GRIK1: variants seen among roughly 807,000 people sequenced by gnomAD.
GRIK1 encodes the protein glutamate receptor ionotropic, kainate 1.
A neutral mutation model predicts 105.7 loss-of-function variants in GRIK1; 69 were observed. The observed-to-expected ratio is 0.65, with a 90% CI of 0.54 to 0.80. The LOEUF is 0.80. Ranked by LOEUF, GRIK1 falls within the 30% of genes least tolerant of loss-of-function variation. The pLI, the probability that GRIK1 is intolerant of heterozygous loss-of-function variation, is 0.00. For synonymous variants in GRIK1, 438 were observed against 431.3 expected, an observed-to-expected ratio of 1.02 and a Z score of -0.19; for missense variants, 1,109 against 1,167.3, an observed-to-expected ratio of 0.95 and a Z score of 0.73.
At chr21:29,603,381 A>G (rs750417286) in intron 7 of GRIK1, among the ~76,000 whole-genome samples, 1 of 152,062 alleles carries the variant, frequency 6.6e-6, no homozygotes, top group Admixed American at 6.6e-5. Flanking sequence ...CCTAGTCTCT[A>G]GAGTTTATTG....
At chr21:29,708,805 A>T (rs557666860) in intron 1 of GRIK1, among the ~76,000 whole-genome samples, 1 of 152,154 alleles carries the variant, frequency 6.6e-6, no homozygotes, top group African/African-American at 2.4e-5. Context: ...AAAATTTTTT[A>T]ATTTTTATTT....
intron 1 of GRIK1, among the ~76,000 whole-genome samples, chr21:29,842,027 A>G (rs1460801484): frequency 6.6e-6 from 1 of 152,184 alleles, no homozygotes; most frequent in Admixed American, 6.5e-5. Context: ...ATTACAGAAT[A>G]TTCTAAATCT....
intron 16 of GRIK1, among the ~76,000 whole-genome samples, chr21:29,541,575 C>CTT (rs34910439): frequency 5.1e-4 from 49 of 95,960 alleles, no homozygotes; most frequent in Admixed American, 1.8e-3. Context: ...CACTCACGGT[C>CTT]TTTTTTTTTT....
intron 1 of GRIK1, among the ~76,000 whole-genome samples, chr21:29,787,431 A>G (rs2066287307): frequency 6.6e-6 from 1 of 152,220 alleles, no homozygotes; most frequent in Admixed American, 6.5e-5. Context: ...GGTAAGATTC[A>G]TAGACTATCT....
intron 5 of GRIK1, among the ~76,000 whole-genome samples, chr21:29,652,775 G>A (rs1458697445): frequency 1.3e-5 from 2 of 152,000 alleles, no homozygotes; most frequent in Non-Finnish European, 2.9e-5. Context: ...CAATGCAACC[G>A]CTTTCTGAAA....
intron 15 of GRIK1, among the ~76,000 whole-genome samples, chr21:29,560,522 T>TCC (rs1317013355): frequency 8.1e-5 from 6 of 73,754 alleles, no homozygotes; most frequent in South Asian, 4.7e-4. Flanking sequence ...CTTCCTTCCT[T>TCC]TCTTTCTTTC....
intron 1 of GRIK1, among the ~76,000 whole-genome samples, chr21:29,793,239 C>T (rs2066472475): frequency 6.6e-6 from 1 of 152,174 alleles, no homozygotes; most frequent in African/African-American, 2.4e-5. Context: ...GAACATGAGG[C>T]TATTGCTTGT....
At chr21:29,557,701 A>G (rs1321540683) in intron 15 of GRIK1, among the ~76,000 whole-genome samples, 1 of 152,214 alleles carries the variant, frequency 6.6e-6, no homozygotes, top group African/African-American at 2.4e-5. Context: ...AAAAATGGAT[A>G]TTGAAAACAA....
rs144855573 is a variant in GRIK1, at chr21:29,673,162, G to C, written c.547C>G (p.Leu183Val). Residue 183 changes from leucine to valine, a missense_variant and splice_region_variant, in exon 4 of 18, where the codon CTA becomes GTA. This residue lies in a region of GRIK1 where 612 missense variants were observed against 586.0 expected (regional missense o/e 1.04). Transcript: ENST00000327783. ...TTGATGAGCTCTTGTAGACGAATTA[G>C]ACCTAGAAAATGACATGCAATCATG... ...VTVVYEDSTG[L>V]IRLQELIKAP... 1.2e-6 allele frequency: 2 copies of C among 1,601,572 alleles called. No individual in the cohort carries two copies. The highest frequency in any genetic ancestry group is 2.2e-5 in the South Asian group (2 of 90,336).
rs117626921 is a variant in GRIK1 at position 29,584,813 on chromosome 21, C to T, written c.1793+2553G>A. Among the ~76,000 whole-genome samples, 1,054 of 152,222 alleles carry T rather than the reference C, an allele frequency of 6.9e-3. 5 individuals are homozygous for T. The highest frequency in any genetic ancestry group is 0.034 in the Middle Eastern group (10 of 294). On this transcript the variant is annotated intron_variant, in intron 12 of 17. Transcript: ENST00000327783. Reference sequence around the variant, plus strand: ...GGTGGTAACTGAGGGTACAGAGTGACGGAGTTCATGGTCTCAAACTATGAT... The same window carrying T: ...GGTGGTAACTGAGGGTACAGAGTGATGGAGTTCATGGTCTCAAACTATGAT...
chr21:29,602,189 T>C (rs1048980467), intron 7 of GRIK1, among the ~76,000 whole-genome samples: 4 of 152,130 alleles, frequency 2.6e-5, no homozygotes, highest in Admixed American at 6.5e-5. Context: ...AATTCTACAA[T>C]CATAGGCAAG....
At chr21:29,630,050 A>T (rs2062229876) in intron 7 of GRIK1, among the ~76,000 whole-genome samples, 1 of 152,200 alleles carries the variant, frequency 6.6e-6, no homozygotes, top group African/African-American at 2.4e-5. Context: ...GTACTGACAC[A>T]GCATTAGACT....
At chr21:29,802,070 A>G (rs1296263636) in intron 1 of GRIK1, among the ~76,000 whole-genome samples, 3 of 152,172 alleles carry the variant, frequency 2.0e-5, no homozygotes, top group East Asian at 1.9e-4. Flanking sequence ...TTTTCCAGTT[A>G]TGCTGAAACT....
chr21:29,826,616 C>T, intron 1 of GRIK1, among the ~76,000 whole-genome samples: 1 of 151,990 alleles, frequency 6.6e-6, no homozygotes, highest in Non-Finnish European at 1.5e-5. Flanking sequence ...GCTTGCCAGC[C>T]CCCATGATTG....
intron 1 of GRIK1, among the ~76,000 whole-genome samples, chr21:29,936,171 CT>C (rs1569232149): frequency 6.6e-6 from 1 of 152,158 alleles, no homozygotes; most frequent in African/African-American, 2.4e-5. Context: ...CCAAAACATG[CT>C]TCGGAAAGCC....
rs1555851177 is a variant in GRIK1, at chr21:29,620,804, TAG to T, written c.1099-21869_1099-21868del. Among the ~76,000 whole-genome samples the T allele has an allele frequency of 2.5e-3, 258 of 104,834 alleles. 1 individual carries two copies. Among genetic ancestry groups the T allele is most frequent in the African/African-American group, 0.012 (217 of 17,574 alleles). The allele number at this position is 104,834 out of a possible 152,430, so 68.8% of individuals were successfully genotyped here. A position where few individuals can be genotyped will look rare whatever the true frequency, so the allele number is the denominator to read the frequency against. ...ATAGATATATATATCTATATATATA[TAG>T]ATATATATATATAGTAATAATATAT... On this transcript the variant is annotated intron_variant, in intron 7 of 17. Coordinates refer to ENST00000327783, the MANE Select transcript of GRIK1 (RefSeq NM_001330994.2).
intron 4 of GRIK1, among the ~76,000 whole-genome samples, chr21:29,665,597 A>T (rs1426921740): frequency 1.3e-5 from 2 of 152,250 alleles, no homozygotes; most frequent in African/African-American, 4.8e-5. Context: ...TTGAAAGCCT[A>T]CTAAGTACAA....
intron 1 of GRIK1, among the ~76,000 whole-genome samples, chr21:29,771,401 AC>A (rs1399632009): frequency 1.3e-5 from 2 of 152,228 alleles, no homozygotes; most frequent in African/African-American, 4.8e-5. Context: ...AAAACAAGGT[AC>A]TAATTACGTT....
At chr21:29,876,279 A>G (rs1164109771) in intron 1 of GRIK1, among the ~76,000 whole-genome samples, 2 of 152,138 alleles carry the variant, frequency 1.3e-5, no homozygotes, top group African/African-American at 2.4e-5. Context: ...GCTTATTGAA[A>G]GTGCTTAGTG....
Sources: allele counts gnomAD v4.1 joint callset (sites outside exome capture counted in the v4.1 genomes callset), GRCh38; gene constraint gnomAD v4.1.1; regional missense constraint gnomAD v4.1.1; transcripts MANE v1.5; gene names NCBI Gene and HGNC (gene_info 2026-07-23, HGNC 2026-07-21).